Variants in ZC3H12C observed in about 807,000 individuals in gnomAD.
The protein encoded by ZC3H12C is probable ribonuclease ZC3H12C.
ZC3H12C carries 20 observed loss-of-function variants against 76.3 expected under a neutral mutation model. The observed-to-expected ratio is 0.26, with a 90% CI of 0.18 to 0.38. The LOEUF (loss-of-function observed/expected upper bound fraction) is 0.38. Among genes scored for constraint, ZC3H12C ranks in the 10% least tolerant of loss-of-function variants. ZC3H12C has a pLI of 1.00. For missense variants in ZC3H12C, 874 were observed against 1,086.5 expected (o/e 0.80, Z 2.75); for synonymous variants, 352 against 399.6 (o/e 0.88, Z 1.42).
rs1208097256 is a variant in ZC3H12C, at chr11:110,170,403, G to A, written c.*4666G>A. On this transcript the variant is annotated 3_prime_UTR_variant, in exon 6 of 6. Coordinates refer to ENST00000278590, the MANE Select transcript of ZC3H12C (RefSeq NM_033390.2). ...CAGTTACATTTTTCCATTGGTTTTG[G>A]CTTCTAATAAATAACATATCTGCCA... 1 of 151,992 alleles carries A rather than the reference G, an allele frequency of 6.6e-6. No individual in the cohort carries two copies. The highest frequency in any genetic ancestry group is 2.4e-5 in the African/African-American group (1 of 41,378). 9.4% of individuals were successfully genotyped at this position (151,992 alleles called of 1,614,324 possible). A position where few individuals can be genotyped will look rare whatever the true frequency, so the allele number is the denominator to read the frequency against.
chr11:110,117,256 T>C (rs761848838), intron 1 of ZC3H12C, among the ~76,000 whole-genome samples: 1 of 152,184 alleles, frequency 6.6e-6, no homozygotes, highest in Non-Finnish European at 1.5e-5. Flanking sequence ...GCATATGTAA[T>C]CCTCCTCAAA....
intron 1 of ZC3H12C, 146 bp downstream of exon 1, chr11:110,093,578 GC>G: frequency 3.8e-6 from 2 of 531,384 alleles, no homozygotes; most frequent in Non-Finnish European, 5.3e-6. Flanking sequence ...TGATCTCCAG[GC>G]CCAGGCGGGT....
chr11:110,161,867 A>T (rs1862487065), intron 4 of ZC3H12C, among the ~76,000 whole-genome samples: 1 of 152,218 alleles, frequency 6.6e-6, no homozygotes, highest in Non-Finnish European at 1.5e-5. Flanking sequence ...GTGGTGGCTC[A>T]TGCCTGTAAT....
At chr11:110,158,532 C>T (rs373911292) in intron 3 of ZC3H12C, among the ~76,000 whole-genome samples, 35 of 151,776 alleles carry the variant, frequency 2.3e-4, no homozygotes, top group African/African-American at 7.5e-4. Context: ...AATCCAACCA[C>T]AGACAAAATG....
intron 5 of ZC3H12C, among the ~76,000 whole-genome samples, chr11:110,163,660 T>C (rs1397034881): frequency 8.5e-5 from 13 of 152,180 alleles, no homozygotes; most frequent in Admixed American, 8.5e-4. Flanking sequence ...AGTTTTTTCA[T>C]CTAGATACAA....
chr11:110,100,641 A>G (rs1861197260), intron 1 of ZC3H12C, among the ~76,000 whole-genome samples: 1 of 152,118 alleles, frequency 6.6e-6, no homozygotes, highest in South Asian at 2.1e-4. Flanking sequence ...TATGTTCTGT[A>G]ATCTGTGATG....
At chr11:110,161,406 T>G (rs1862479737) in intron 4 of ZC3H12C, among the ~76,000 whole-genome samples, 1 of 152,172 alleles carries the variant, frequency 6.6e-6, no homozygotes, top group Non-Finnish European at 1.5e-5. Flanking sequence ...ACTCTGGTCA[T>G]GATCAGAGTC....
At chr11:110,131,435 C>T in intron 1 of ZC3H12C, 1 of 291,378 alleles carries the variant, frequency 3.4e-6, no homozygotes, top group South Asian at 4.7e-5. Context: ...TTAAATCTTA[C>T]CTTGTCAAAG....
rs148591563 is a variant in ZC3H12C, at chr11:110,108,040, C to T, written c.21+14608C>T. Among the ~76,000 whole-genome samples, 1,138 of 152,220 alleles carry T rather than the reference C, an allele frequency of 7.5e-3. 13 individuals are homozygous for T. Among genetic ancestry groups the T allele is most frequent in the African/African-American group, 0.025 (1,040 of 41,524 alleles). On this transcript the variant is annotated intron_variant, in intron 1 of 5. Transcript: ENST00000278590. The stretch of plus-strand genomic sequence containing the variant: ...ATGGCTCACTGCAGCCTCAACTTCC[C>T]GGGCTCAAGCTATCCTCTCACCTCA...
intron 1 of ZC3H12C, among the ~76,000 whole-genome samples, chr11:110,107,732 G>T (rs1341596734): frequency 1.3e-5 from 2 of 151,958 alleles, no homozygotes; most frequent in African/African-American, 4.8e-5. Flanking sequence ...CACCATGTTG[G>T]CTGGACTGGT....
Position 110,166,101 on chromosome 11 carries a change from G to C in ZC3H12C, c.*364G>C, listed in dbSNP as rs932879660. On this transcript the variant is annotated 3_prime_UTR_variant, in exon 6 of 6. Transcript: ENST00000278590. The stretch of plus-strand genomic sequence containing the variant: ...TTTGTGTTTTATTAACTTGGTGTTT[G>C]TCTATCAATTGCAAGCAATTACAAT... 1.7e-5 allele frequency: 3 copies of C among 180,382 alleles called. No homozygotes were observed. The highest frequency in any genetic ancestry group is 7.1e-5 in the African/African-American group (3 of 42,058). The allele number at this position is 180,382 out of a possible 1,614,324, so 11.2% of individuals were successfully genotyped here.
intron 3 of ZC3H12C, among the ~76,000 whole-genome samples, chr11:110,158,377 A>T (rs1862415296): frequency 6.6e-6 from 1 of 152,094 alleles, no homozygotes; most frequent in African/African-American, 2.4e-5. Flanking sequence ...AGGCGTGGTG[A>T]CAGGCGCCTG....
At position 110,164,632 on chromosome 11, in the gene ZC3H12C, G is replaced by A. The variant is rs755891722; in HGVS notation, c.1547G>A (p.Arg516Lys). ...KLPTKNKLET[R>K]SVPSLVSIPA... The stretch of plus-strand genomic sequence containing the variant: ...CCCACCAAAAACAAATTGGAAACCA[G>A]GTCTGTACCTTCCTTAGTTAGCATC... The change falls in exon 6 of 6, where the codon AGG (arginine) becomes AAG (lysine). Residue 516 changes from arginine (R) to lysine (K), a missense_variant. Transcript: ENST00000278590. This position sits in a 1 kb window ranked among gnomAD's most constrained non-coding sequence, Gnocchi z 5.7. 1 of 1,613,970 alleles carries A rather than the reference G, an allele frequency of 6.2e-7. No homozygotes were observed. Among genetic ancestry groups the A allele is most frequent in the South Asian group, 1.1e-5 (1 of 91,080 alleles).
rs1304119079 is a variant in ZC3H12C at position 110,105,994 on chromosome 11, C to T, written c.21+12562C>T. Among the ~76,000 whole-genome samples, 2 of 14,058 alleles carry T rather than the reference C, an allele frequency of 1.4e-4. 1 individual carries two copies. The highest frequency in any genetic ancestry group is 6.5e-4 in the African/African-American group (2 of 3,072). 9.2% of individuals were successfully genotyped at this position (14,058 alleles called of 152,430 possible). ...ATCTAGAAAAGTTATACCAGCCGGG[C>T]GCGGTGGCTCACGCCTGTAATCCCA... On this transcript the variant is annotated intron_variant, in intron 1 of 5. Transcript: ENST00000278590.
At chr11:110,117,679 A>T (rs1861553071) in intron 1 of ZC3H12C, among the ~76,000 whole-genome samples, 2 of 142,286 alleles carry the variant, frequency 1.4e-5, no homozygotes, top group Admixed American at 7.5e-5. Flanking sequence ...TATATATATT[A>T]TATATATACA....
rs181248634 is a variant in ZC3H12C at position 110,161,163 on chromosome 11, G to A, written c.1148+1673G>A. On this transcript the variant is annotated intron_variant, in intron 4 of 5. Coordinates refer to ENST00000278590, the MANE Select transcript of ZC3H12C (RefSeq NM_033390.2). ...ACAGCCAGTGACATCATGGTTTATC[G>A]AGTATTATGCGCAGTCCATAATAGT... 1.8e-3 allele frequency among the ~76,000 whole-genome samples: 271 copies of A among 152,242 alleles called. 1 individual carries two copies. Among genetic ancestry groups the A allele is most frequent in the African/African-American group, 6.3e-3 (261 of 41,548 alleles).
intron 3 of ZC3H12C, among the ~76,000 whole-genome samples, chr11:110,155,460 G>A (rs1183694063): frequency 6.6e-6 from 1 of 151,842 alleles, no homozygotes; most frequent in Admixed American, 6.6e-5. Flanking sequence ...CTAAGAATAA[G>A]TTCCAAGAAA....
At position 110,143,190 on chromosome 11, in the gene ZC3H12C, G is replaced by T. The variant is rs969542762; in HGVS notation, c.773+5776G>T. ...CTCAAATAAATATGAAATTTAATTG[G>T]ACTACAATGAGAGAAAGTAAAATAT... On this transcript the variant is annotated intron_variant, in intron 2 of 5. Transcript: ENST00000278590. Among the ~76,000 whole-genome samples, 5 of 152,110 alleles carry T rather than the reference G, an allele frequency of 3.3e-5. 1 individual carries two copies. Among genetic ancestry groups the T allele is most frequent in the African/African-American group, 1.2e-4 (5 of 41,416 alleles).
chr11:110,165,369 T>C lies in ZC3H12C; in HGVS notation c.2284T>C (p.Ser762Pro). 1 of 1,613,960 alleles carries C rather than the reference T, an allele frequency of 6.2e-7. No individual in the cohort carries two copies. Among genetic ancestry groups the C allele is most frequent in the Non-Finnish European group, 8.5e-7 (1 of 1,179,870 alleles). ...SDSRLYDSSP[S>P]RQRKPYSRQE... ...CTCTCGACTTTATGACAGTTCTCCTTCACGACAAAGAAAGCCTTATTCCCG... is the reference window on the plus strand; with the variant it reads ...CTCTCGACTTTATGACAGTTCTCCTCCACGACAAAGAAAGCCTTATTCCCG... Residue 762 changes from serine (S) to proline (P), a missense_variant, in exon 6 of 6, where the codon TCA becomes CCA. This residue lies in a region of ZC3H12C where 395 missense variants were observed against 434.4 expected (regional missense o/e 0.91). Coordinates refer to ENST00000278590, the MANE Select transcript of ZC3H12C (RefSeq NM_033390.2).
Sources: allele counts gnomAD v4.1 joint callset (sites outside exome capture counted in the v4.1 genomes callset), GRCh38; gene constraint gnomAD v4.1.1; regional missense constraint gnomAD v4.1.1; non-coding constraint Gnocchi (gnomAD v3.1); transcripts MANE v1.5; gene names NCBI Gene and HGNC (gene_info 2026-07-23, HGNC 2026-07-21).